CLUL1: variants seen among roughly 807,000 people sequenced by gnomAD.
The protein encoded by CLUL1 is clusterin-like protein 1.
Under a neutral mutation model 49.4 loss-of-function variants are expected in CLUL1, and 43 were observed. That is an observed-to-expected ratio of 0.87 (90% CI 0.68 to 1.12). The LOEUF is 1.12. Among genes scored for constraint, CLUL1 ranks in the 50% most tolerant of loss-of-function variants. CLUL1 has a pLI of 0.00. For synonymous variants in CLUL1, 192 were observed against 184.9 expected (o/e 1.04, Z -0.31); for missense variants, 486 against 544.4 (o/e 0.89, Z 1.07).
At chr18:648,418 C>A (rs1347813192) in intron 9 of CLUL1, among the ~76,000 whole-genome samples, 3 of 152,082 alleles carry the variant, frequency 2.0e-5, no homozygotes, top group Admixed American at 1.3e-4. Flanking sequence ...GTAACAAAAT[C>A]ACAACTACCA....
rs1163671856 is a variant in CLUL1 at position 606,343 on chromosome 18, G to A, written c.-135-635G>A. 5.9e-5 allele frequency among the ~76,000 whole-genome samples: 9 copies of A among 152,170 alleles called. No homozygotes were observed. The highest frequency in any genetic ancestry group is 1.3e-4 in the Non-Finnish European group (9 of 68,026). On this transcript the variant is annotated intron_variant, in intron 1 of 9. Coordinates refer to ENST00000692774, the MANE Select transcript of CLUL1 (RefSeq NM_001393344.1). This position sits in a 1 kb window ranked among gnomAD's most constrained non-coding sequence, Gnocchi z 4.1. ...CTGACTCTAGGGGAAAAACAGCACA[G>A]GGCAGGAAACGATTTTCCATGTCAC...
At chr18:600,770 T>A (rs2072805794) in intron 1 of CLUL1, among the ~76,000 whole-genome samples, 2 of 152,202 alleles carry the variant, frequency 1.3e-5, no homozygotes, top group African/African-American at 4.8e-5. Flanking sequence ...TAGAGACAGT[T>A]CCAAGTTTTA....
chr18:615,435 G>A (rs984894695), intron 2 of CLUL1, among the ~76,000 whole-genome samples: 8 of 152,164 alleles, frequency 5.3e-5, no homozygotes, highest in African/African-American at 9.6e-5. Flanking sequence ...AACTGGTTCC[G>A]TTTTCAACAA....
chr18:647,187 G>C (rs2074532524), intron 9 of CLUL1, among the ~76,000 whole-genome samples: 1 of 151,608 alleles, frequency 6.6e-6, no homozygotes, highest in African/African-American at 2.4e-5. Flanking sequence ...CGGCAAGAAA[G>C]AGTAGAGCAT....
chr18:647,810 T>C (rs1163331398), intron 9 of CLUL1, among the ~76,000 whole-genome samples: 10 of 152,198 alleles, frequency 6.6e-5, no homozygotes, highest in Admixed American at 6.5e-4. Context: ...CTTTCACACA[T>C]GACCATAACA....
intron 9 of CLUL1, among the ~76,000 whole-genome samples, chr18:649,358 A>G (rs1478335708): frequency 1.3e-5 from 2 of 152,198 alleles, no homozygotes; most frequent in Non-Finnish European, 2.9e-5. Context: ...TCTTCTAGTT[A>G]TCTAGCATCC....
chr18:644,747 C>A (rs532502798), intron 8 of CLUL1, among the ~76,000 whole-genome samples, 163 bp from the exon 9 acceptor site: 13 of 152,208 alleles, frequency 8.5e-5, no homozygotes, highest in Non-Finnish European at 1.6e-4. Flanking sequence ...GGACACATAA[C>A]ATGAACAAGA....
chr18:619,085 T>G, intron 3 of CLUL1, 128 bp from the exon 4 acceptor site: 1 of 842,008 alleles, frequency 1.2e-6, no homozygotes. Context: ...TTCATTATGA[T>G]CTGCTTTCAG....
intron 7 of CLUL1, 39 bp from the exon 8 acceptor site, chr18:641,288 G>A: frequency 6.3e-7 from 1 of 1,583,798 alleles, no homozygotes; most frequent in Non-Finnish European, 8.7e-7. Context: ...CAAGTTTCAT[G>A]GACTTTTTCC....
intron 2 of CLUL1, chr18:616,748 A>T: frequency 7.2e-6 from 7 of 973,310 alleles, no homozygotes; most frequent in Non-Finnish European, 8.5e-6. Context: ...CACTGGGGAG[A>T]TATTGCAAAG....
intron 6 of CLUL1, among the ~76,000 whole-genome samples, chr18:630,672 C>CT (rs36222515): frequency 0.029 from 1,771 of 62,032 alleles, 235 homozygotes; most frequent in Non-Finnish European, 0.032. Context: ...CTACTGACAT[C>CT]TTTTTTTTTT....
At chr18:607,659 C>T (rs1567955536) in intron 2 of CLUL1, among the ~76,000 whole-genome samples, 1 of 152,038 alleles carries the variant, frequency 6.6e-6, no homozygotes, top group African/African-American at 2.4e-5. Context: ...AACTCCTGGG[C>T]TCCAGTGATG....
intron 8 of CLUL1, 138 bp from the exon 9 acceptor site, chr18:644,772 G>C: frequency 1.8e-6 from 1 of 547,276 alleles, no homozygotes; most frequent in Non-Finnish European, 3.2e-6. Flanking sequence ...AATCTTTGTT[G>C]CATGAAGCCC....
At chr18:607,254 A>G (rs1266964359) in intron 2 of CLUL1, among the ~76,000 whole-genome samples, 155 bp downstream of exon 2, 4 of 151,920 alleles carry the variant, frequency 2.6e-5, no homozygotes, top group Admixed American at 2.0e-4. Context: ...CAGCCTCCCT[A>G]CTAGCTGGGA....
At position 622,384 on chromosome 18, in the gene CLUL1, T is replaced by C. The variant is rs28538038; in HGVS notation, c.256-2481T>C. Reference sequence around the variant, plus strand: ...GTTGCTCAGGCTGGTCTTGAACTCCTGGGCTCAAGGGATCCTCCTGCCTCA... The same window carrying C: ...GTTGCTCAGGCTGGTCTTGAACTCCCGGGCTCAAGGGATCCTCCTGCCTCA... On this transcript the variant is annotated intron_variant, in intron 4 of 9. Coordinates refer to ENST00000692774, the MANE Select transcript of CLUL1 (RefSeq NM_001393344.1). 8.7e-3 allele frequency among the ~76,000 whole-genome samples: 1,331 copies of C among 152,340 alleles called. 22 individuals are homozygous for C. Among genetic ancestry groups the C allele is most frequent in the African/African-American group, 0.03 (1,253 of 41,568 alleles).
At chr18:612,636 C>T (rs1178846312) in intron 2 of CLUL1, 1 of 152,244 alleles carries the variant, frequency 6.6e-6, no homozygotes, top group Non-Finnish European at 1.5e-5. Context: ...CTTCCTCGGC[C>T]ACTTATCCTC....
At chr18:634,936 C>G (rs538385701) in intron 7 of CLUL1, among the ~76,000 whole-genome samples, 1 of 152,128 alleles carries the variant, frequency 6.6e-6, no homozygotes, top group Non-Finnish European at 1.5e-5. Flanking sequence ...TCCTATGCTT[C>G]TGCATTTTAT....
chr18:619,437 G>T, intron 4 of CLUL1, 76 bp downstream of exon 4: 1 of 1,274,182 alleles, frequency 7.8e-7, no homozygotes. Flanking sequence ...TGCGATTGAT[G>T]AATTACTTAT....
rs2073831036 is a variant in CLUL1 at position 627,110 on chromosome 18, T to C, written c.437T>C (p.Phe146Ser). The C allele has an allele frequency of 6.2e-7, 1 of 1,610,154 alleles. No individual in the cohort carries two copies. Among genetic ancestry groups the C allele is most frequent in the Non-Finnish European group, 8.5e-7 (1 of 1,177,244 alleles). Residue 146 changes from phenylalanine (F) to serine (S), a missense_variant, in exon 6 of 10, where the codon TTC becomes TCC. By Grantham distance (155) the Phe-to-Ser change is radical (BLOSUM62 -2). Transcript: ENST00000692774. The part of the protein sequence containing the change: ...SSVKNKIERF[F>S]RKIYQFLFPF... ...TCTACTCCACAGATTGAACGGTTTT[T>C]CAGGAAGATATATCAATTTCTATTT...
Sources: gnomAD v4.1 joint callset for allele counts (sites outside exome capture counted in the v4.1 genomes callset) on GRCh38, gnomAD v4.1.1 for gene constraint, Gnocchi (gnomAD v3.1) non-coding constraint, MANE v1.5 for transcripts, NCBI Gene and HGNC (gene_info 2026-07-23, HGNC 2026-07-21) for gene names.